Variants in CUX1 observed in about 807,000 individuals in gnomAD.
The protein encoded by CUX1 is cut like homeobox 1, also known as protein CASP.
Under a neutral mutation model 158.8 loss-of-function variants are expected in CUX1, and 31 were observed. The observed-to-expected ratio is 0.20, with a 90% CI of 0.15 to 0.26. CUX1 has a LOEUF of 0.26. Among genes scored for constraint, CUX1 ranks in the 10% least tolerant of loss-of-function variants. The pLI is 1.00. For synonymous variants in CUX1, 879 were observed against 862.1 expected (o/e 1.02, Z -0.34); for missense variants, 1,589 against 2,014.6 (o/e 0.79, Z 4.04).
chr7:102,248,755 A>G lies in CUX1; in HGVS notation c.4231A>G (p.Thr1411Ala). 4 of 1,039,562 alleles carry G rather than the reference A, an allele frequency of 3.8e-6. No homozygotes were observed. Among genetic ancestry groups the G allele is most frequent in the Non-Finnish European group, 3.5e-6 (3 of 864,766 alleles). 64.4% of individuals were successfully genotyped at this position (1,039,562 alleles called of 1,614,324 possible). Reference sequence around the variant, plus strand: ...GCCCAGCCCCGCCTCCGCGACCGCCACCGCCGCGCCCGCGGCCCCCGAGGA... The same window carrying G: ...GCCCAGCCCCGCCTCCGCGACCGCCGCCGCCGCGCCCGCGGCCCCCGAGGA... Reference protein sequence around the residue: ...PLPSPASATATAAPAAPEDAA... With the variant: ...PLPSPASATAAAAPAAPEDAA... The change falls in exon 24 of 24, where the codon ACC (threonine) becomes GCC (alanine). Residue 1411 changes from threonine to alanine, a missense_variant. Around this residue, in one of 8 missense-constraint regions of CUX1, gnomAD observed 344 missense variants for 323.7 expected, o/e 1.06. Coordinates refer to ENST00000292535, the MANE Select transcript of CUX1 (RefSeq NM_181552.4). This position sits in a 1 kb window ranked among gnomAD's most constrained non-coding sequence, Gnocchi z 5.8.
chr7:102,204,765 G>A (rs1795782205), intron 19 of CUX1, among the ~76,000 whole-genome samples: 1 of 152,268 alleles, frequency 6.6e-6, no homozygotes, highest in Non-Finnish European at 1.5e-5. Flanking sequence ...CAGTGTTTAG[G>A]AGAGATCATG....
At chr7:102,053,019 A>G (rs1363080332) in intron 3 of CUX1, among the ~76,000 whole-genome samples, 1 of 152,178 alleles carries the variant, frequency 6.6e-6, no homozygotes, top group African/African-American at 2.4e-5. Flanking sequence ...CATGTTGGCC[A>G]GGCTGGTCTC....
At chr7:102,207,550 CA>C (rs146937987) in intron 20 of CUX1, among the ~76,000 whole-genome samples, 16,691 of 152,042 alleles carry the variant, frequency 0.11, 1,170 homozygotes, top group Admixed American at 0.17. Flanking sequence ...CCCCCAGGTT[CA>C]AGTGATTCTC....
chr7:102,115,137 G>T, intron 7 of CUX1, 70 bp from the exon 8 acceptor site: 1 of 1,324,944 alleles, frequency 7.5e-7, no homozygotes, highest in Non-Finnish European at 1.1e-6. Flanking sequence ...TTTTGAAATG[G>T]GAATAGATTA....
At chr7:102,084,858 C>CTTTTTTTTTTTTTTTTTTTTTT (rs60908109) in intron 4 of CUX1, among the ~76,000 whole-genome samples, 1 of 56,054 alleles carries the variant, frequency 1.8e-5, no homozygotes, top group Non-Finnish European at 3.3e-5. Flanking sequence ...ATTTTCCTTG[C>CTTTTTTTTTTTTTTTTTTTTTT]TTTTTTTTTT....
Position 102,103,490 on chromosome 7 carries a change from G to T in CUX1, c.407-846G>T, listed in dbSNP as rs1445282663. Among the ~76,000 whole-genome samples the T allele has an allele frequency of 2.0e-5, 3 of 151,920 alleles. No homozygotes were observed. The East Asian group carries it at 5.8e-4, about 29-fold the overall frequency. ...CTGTCACCCAGGTTGGAGTACAGTGGCGCAATCATAGCTCACTGCAGCTTC... is the reference window on the plus strand; with the variant it reads ...CTGTCACCCAGGTTGGAGTACAGTGTCGCAATCATAGCTCACTGCAGCTTC... On this transcript the variant is annotated intron_variant, in intron 5 of 23. Transcript: ENST00000292535.
chr7:102,227,404 C>G lies in CUX1; in HGVS notation c.3168C>G (p.Ala1056=). The change falls in exon 21 of 24, where the codon GCC becomes GCG. Residue 1056 remains alanine (A), a synonymous_variant. Coordinates refer to ENST00000292535, the MANE Select transcript of CUX1 (RefSeq NM_181552.4). The part of the protein sequence containing the change: ...TPKTSASCSP[A]PESPMSSSES... The stretch of plus-strand genomic sequence containing the variant: ...AGACCTCCGCCAGCTGCAGCCCTGC[C>G]CCTGAGTCCCCGATGAGTTCCAGTG... 6.2e-7 allele frequency: 1 copy of G among 1,612,900 alleles called. No homozygotes were observed. The highest frequency in any genetic ancestry group is 8.5e-7 in the Non-Finnish European group (1 of 1,179,148).
At chr7:101,839,037 T>C (rs1461171315) in intron 1 of CUX1, among the ~76,000 whole-genome samples, 1 of 151,864 alleles carries the variant, frequency 6.6e-6, no homozygotes, top group Non-Finnish European at 1.5e-5. Context: ...TAGCAGAGAG[T>C]GTGCGCAGGC....
chr7:102,063,202 C>T (rs1825128020), intron 3 of CUX1, among the ~76,000 whole-genome samples: 1 of 151,654 alleles, frequency 6.6e-6, no homozygotes, highest in African/African-American at 2.4e-5. Flanking sequence ...CCAGTAGCGG[C>T]CATTAGTGCA....
rs555063893 is a variant in CUX1 at position 102,205,535 on chromosome 7, G to A, written c.3130+365G>A. Among the ~76,000 whole-genome samples, 265 of 152,114 alleles carry A rather than the reference G, an allele frequency of 1.7e-3. 2 individuals carry two copies. Among genetic ancestry groups the A allele is most frequent in the Non-Finnish European group, 2.9e-3 (200 of 68,010 alleles). On this transcript the variant is annotated intron_variant, in intron 20 of 23. Transcript: ENST00000292535. ...GTCCCTCTCCTGGTGGGGTCATGTCGGGGGACTTCTTATCTAACCGGAAGA... is the reference window on the plus strand; with the variant it reads ...GTCCCTCTCCTGGTGGGGTCATGTCAGGGGACTTCTTATCTAACCGGAAGA...
intron 7 of CUX1, among the ~76,000 whole-genome samples, chr7:102,114,847 C>T (rs1439457990): frequency 2.0e-5 from 3 of 151,808 alleles, no homozygotes; most frequent in Non-Finnish European, 4.4e-5. Context: ...TGCCATTATA[C>T]TCCAGCCTGG....
intron 3 of CUX1, among the ~76,000 whole-genome samples, chr7:102,054,845 C>T (rs1197148427): frequency 1.3e-5 from 2 of 152,030 alleles, no homozygotes; most frequent in Non-Finnish European, 2.9e-5. Flanking sequence ...GTGGCGCGTT[C>T]CTGTAGTCTC....
chr7:102,036,615 T>C (rs1821447142), intron 3 of CUX1, among the ~76,000 whole-genome samples: 1 of 151,936 alleles, frequency 6.6e-6, no homozygotes, highest in South Asian at 2.1e-4. Context: ...GGTCACGTGC[T>C]CCTGTAGTCC....
At chr7:102,264,628 A>T (rs2529125) in intron 14 of CUX1, 73,356 of 152,182 alleles carry the variant, frequency 0.48, 18,068 homozygotes, top group East Asian at 0.75. Context: ...AGTAGGATTC[A>T]TTGGTAGGAG....
chr7:102,240,978 G>A (rs1163505725), intron 23 of CUX1, among the ~76,000 whole-genome samples: 4 of 152,222 alleles, frequency 2.6e-5, no homozygotes, highest in Non-Finnish European at 2.9e-5. Flanking sequence ...GCACCACCAC[G>A]CCTGGCTAAT....
At chr7:102,227,090 T>C (rs902686905) in intron 20 of CUX1, among the ~76,000 whole-genome samples, 4 of 152,096 alleles carry the variant, frequency 2.6e-5, no homozygotes, top group African/African-American at 9.7e-5. Flanking sequence ...TAATAGGAGT[T>C]TTTTTAGCAG....
chr7:102,082,290 C>A (rs2130758346), intron 4 of CUX1, among the ~76,000 whole-genome samples: 1 of 146,948 alleles, frequency 6.8e-6, no homozygotes, highest in East Asian at 1.9e-4. Flanking sequence ...CTTTGGGAGG[C>A]TGAGGGCAGG....
intron 22 of CUX1, among the ~76,000 whole-genome samples, chr7:102,236,651 T>G (rs1799596533): frequency 6.6e-6 from 1 of 152,154 alleles, no homozygotes; most frequent in Non-Finnish European, 1.5e-5. Context: ...CCAATAGATC[T>G]GTGCAGAGTT....
intron 8 of CUX1, among the ~76,000 whole-genome samples, chr7:102,152,416 T>C (rs1473017209): frequency 1.3e-5 from 2 of 149,482 alleles, no homozygotes; most frequent in African/African-American, 2.6e-5. Flanking sequence ...TGTTTGTTTG[T>C]TTTTGTTTGT....
Sources: gnomAD v4.1 joint callset for allele counts (sites outside exome capture counted in the v4.1 genomes callset) on GRCh38, gnomAD v4.1.1 for gene constraint, gnomAD v4.1.1 regional missense constraint, Gnocchi (gnomAD v3.1) non-coding constraint, MANE v1.5 for transcripts, NCBI Gene and HGNC (gene_info 2026-07-23, HGNC 2026-07-21) for gene names.